Variants in BNC2 observed in about 807,000 individuals in gnomAD.
BNC2 encodes basonuclin zinc finger protein 2.
A neutral mutation model predicts 76.3 loss-of-function variants in BNC2; 20 were observed. The observed-to-expected ratio is 0.26, with a 90% CI of 0.18 to 0.38. The LOEUF (loss-of-function observed/expected upper bound fraction) is 0.38. BNC2 is among the 10% of genes least tolerant of loss of function. The pLI is 1.00. For synonymous variants in BNC2, 582 were observed against 514.8 expected, an observed-to-expected ratio of 1.13 and a Z score of -1.77; for missense variants, 1,382 against 1,399.8, an observed-to-expected ratio of 0.99 and a Z score of 0.20.
intron 3 of BNC2, among the ~76,000 whole-genome samples, chr9:16,616,836 G>GAAGGAAGGAAGGAAGTAAGT (rs796264760): frequency 3.3e-5 from 5 of 150,210 alleles, no homozygotes; most frequent in African/African-American, 9.7e-5. Flanking sequence ...AGGAAGGAAG[G>GAAGGAAGGAAGGAAGTAAGT]AAGTTCTACT....
At chr9:16,494,161 TC>T in intron 5 of BNC2, among the ~76,000 whole-genome samples, 1 of 152,264 alleles carries the variant, frequency 6.6e-6, no homozygotes, top group East Asian at 1.9e-4. Context: ...ATTTTCTTTT[TC>T]TTTTTTTTGG....
intron 5 of BNC2, among the ~76,000 whole-genome samples, chr9:16,470,000 T>A (rs1326686560): frequency 1.1e-5 from 1 of 93,518 alleles, no homozygotes; most frequent in East Asian, 2.9e-4. Context: ...TTCTTTTTTT[T>A]TTTTTTTTTT....
chr9:16,668,707 T>A (rs1238375508), intron 3 of BNC2, among the ~76,000 whole-genome samples: 1 of 152,200 alleles, frequency 6.6e-6, no homozygotes, highest in East Asian at 1.9e-4. Flanking sequence ...CTGTATTCTT[T>A]CAAAGGAAGA....
At chr9:16,595,022 A>G (rs1233438568) in intron 3 of BNC2, among the ~76,000 whole-genome samples, 3 of 152,194 alleles carry the variant, frequency 2.0e-5, no homozygotes, top group Non-Finnish European at 4.4e-5. Flanking sequence ...TTAACCATAT[A>G]TACTAGGATT....
At chr9:16,451,160 CAATT>C (rs2131063103) in intron 5 of BNC2, among the ~76,000 whole-genome samples, 1 of 152,004 alleles carries the variant, frequency 6.6e-6, no homozygotes, top group South Asian at 2.1e-4. Context: ...TTAGGGGAGA[CAATT>C]AAGAGAGATA....
chr9:16,486,217 G>A (rs1023358107), intron 5 of BNC2, among the ~76,000 whole-genome samples: 1 of 152,194 alleles, frequency 6.6e-6, no homozygotes, highest in Non-Finnish European at 1.5e-5. Context: ...GATGATCCTG[G>A]CCTCTGTCAC....
At chr9:16,459,689 G>A (rs376128481) in intron 5 of BNC2, among the ~76,000 whole-genome samples, 159 of 152,236 alleles carry the variant, frequency 1.0e-3, no homozygotes, top group African/African-American at 3.5e-3. Flanking sequence ...CAGTGAAGAC[G>A]GAGGCTGGTT....
intron 1 of BNC2, among the ~76,000 whole-genome samples, chr9:16,782,464 G>A (rs1489036370): frequency 2.6e-5 from 4 of 152,084 alleles, no homozygotes; most frequent in Non-Finnish European, 5.9e-5. Flanking sequence ...AGTTATTTGA[G>A]TTCTAGTTGC....
At position 16,419,663 on chromosome 9, in the gene BNC2, AGGGAAGGGGGGGTACGTGGATGGGGGGTG is replaced by A; in HGVS notation, c.2640-43_2640-15del. 1.4e-6 allele frequency: 1 copy of A among 725,578 alleles called. No individual in the cohort carries two copies. The highest frequency in any genetic ancestry group is 2.1e-6 in the Non-Finnish European group (1 of 466,988). The allele number at this position is 725,578 out of a possible 1,614,324, so 44.9% of individuals were successfully genotyped here. A position where few individuals can be genotyped will look rare whatever the true frequency, so the allele number is the denominator to read the frequency against. On this transcript the variant is annotated splice_polypyrimidine_tract_variant and intron_variant, in intron 6 of 6. Transcript: ENST00000380672. ...TTGGCACTGTGTCTAGGAAAACAAG[AGGGAAGGGGGGGTACGTGGATGGGGGGTG>A]GGGAAAGGTGAGAAAAAGGAAAGCA...
chr9:16,866,662 TTAA>T (rs1250238635), intron 1 of BNC2, among the ~76,000 whole-genome samples: 41 of 131,268 alleles, frequency 3.1e-4, no homozygotes, highest in East Asian at 3.0e-3. Context: ...TCTGTCACTT[TTAA>T]AAAAAAAAAA....
At chr9:16,842,192 A>G (rs923203459) in intron 1 of BNC2, among the ~76,000 whole-genome samples, 1 of 152,176 alleles carries the variant, frequency 6.6e-6, no homozygotes, top group African/African-American at 2.4e-5. Context: ...AACCTCCACT[A>G]TGATTTTTAG....
chr9:16,840,926 G>T (rs888554809), intron 1 of BNC2, among the ~76,000 whole-genome samples: 2 of 152,096 alleles, frequency 1.3e-5, no homozygotes, highest in African/African-American at 4.8e-5. Context: ...AGATAATATT[G>T]TATCTAACAA....
chr9:16,468,508 G>A (rs1041183371), intron 5 of BNC2, among the ~76,000 whole-genome samples: 11 of 151,850 alleles, frequency 7.2e-5, no homozygotes, highest in African/African-American at 2.2e-4. Flanking sequence ...CAACTCTCCC[G>A]CCTCAGCCTC....
At chr9:16,487,298 A>G (rs180963091) in intron 5 of BNC2, among the ~76,000 whole-genome samples, 1 of 152,308 alleles carries the variant, frequency 6.6e-6, no homozygotes, top group Non-Finnish European at 1.5e-5. Flanking sequence ...GAACGCTGAC[A>G]CCTAACAGGA....
chr9:16,750,830 G>T (rs776253552), intron 1 of BNC2, among the ~76,000 whole-genome samples: 3 of 152,210 alleles, frequency 2.0e-5, no homozygotes, highest in Non-Finnish European at 4.4e-5. Flanking sequence ...ATTCAGAAAT[G>T]TTGAAAAATT....
chr9:16,851,953 T>C lies in BNC2; in HGVS notation c.3+18693A>G, dbSNP rs1819137359. Among the ~76,000 whole-genome samples the C allele has an allele frequency of 2.0e-5, 3 of 151,880 alleles. 1 individual carries two copies. In the South Asian group the frequency reaches 6.2e-4, roughly 31 times the overall value. ...CAGAGGATGAATATTAAATAAAACATATAGATATACACATTCATGCTGAAT... is the reference window on the plus strand; with the variant it reads ...CAGAGGATGAATATTAAATAAAACACATAGATATACACATTCATGCTGAAT... On this transcript the variant is annotated intron_variant, in intron 1 of 6. Transcript: ENST00000380672.
chr9:16,617,990 G>A (rs77530183), intron 3 of BNC2, among the ~76,000 whole-genome samples: 156 of 152,348 alleles, frequency 1.0e-3, no homozygotes, highest in African/African-American at 3.6e-3. Context: ...AGCAATGGCA[G>A]TAAAGCCATG....
intron 1 of BNC2, among the ~76,000 whole-genome samples, chr9:16,782,324 A>G (rs910003087): frequency 1.3e-5 from 2 of 151,858 alleles, no homozygotes; most frequent in African/African-American, 4.8e-5. Flanking sequence ...ATAATTTTGT[A>G]TAATTAAATT....
chr9:16,556,562 G>A lies in BNC2; in HGVS notation c.434-3797C>T, dbSNP rs138567448. 6.2e-3 allele frequency among the ~76,000 whole-genome samples: 942 copies of A among 152,094 alleles called. 13 individuals are homozygous for A. The highest frequency in any genetic ancestry group is 0.021 in the African/African-American group (890 of 41,480). On this transcript the variant is annotated intron_variant, in intron 4 of 6. Transcript: ENST00000380672. ...AGGCGGGTGGATCATGAGGTCAAGAGATCAAGACCATTCTGGCCAATATGG... is the reference window on the plus strand; with the variant it reads ...AGGCGGGTGGATCATGAGGTCAAGAAATCAAGACCATTCTGGCCAATATGG...
Sources: allele counts gnomAD v4.1 joint callset (sites outside exome capture counted in the v4.1 genomes callset), GRCh38; gene constraint gnomAD v4.1.1; transcripts MANE v1.5; gene names NCBI Gene and HGNC (gene_info 2026-07-23, HGNC 2026-07-21).